Variants in CD22 observed in about 807,000 individuals in gnomAD.
CD22 encodes B-cell receptor CD22.
In CD22, 51 loss-of-function variants were observed where a neutral mutation model predicts 94.7. The observed-to-expected ratio is 0.54, with a 90% confidence interval of 0.43 to 0.68. The LOEUF is 0.68. Ranked by LOEUF, CD22 falls within the 30% of genes least tolerant of loss-of-function variation. The pLI is 0.00. For missense variants in CD22, 931 were observed against 1,060.4 expected, an observed-to-expected ratio of 0.88 and a Z score of 1.69; for synonymous variants, 424 against 422.5, an observed-to-expected ratio of 1.00 and a Z score of -0.04.
At chr19:35,345,526 G>C in intron 11 of CD22, 76 bp from the exon 12 acceptor site, 1 of 864,846 alleles carries the variant, frequency 1.2e-6, no homozygotes, top group South Asian at 1.5e-5. Context: ...GAGGAGACCT[G>C]GGCTGTCAGA....
In CD22 at chr19:35,337,726, C is replaced by T. The variant is rs746824149; in HGVS notation, c.719-29C>T. Reference sequence around the variant, plus strand: ...TCCACCCTCTGAGGATTCCCCGCCCCCTCCCCGACTGCCCCTCTGCTCCTC... The same window carrying T: ...TCCACCCTCTGAGGATTCCCCGCCCTCTCCCCGACTGCCCCTCTGCTCCTC... On this transcript the variant is annotated intron_variant, in intron 4 of 13. Transcript: ENST00000085219. The surrounding 1 kb of genome is among the most constrained non-coding windows in gnomAD (Gnocchi z 4.4). The T allele has an allele frequency of 2.4e-5, 37 of 1,566,954 alleles. 1 individual carries two copies. The highest frequency in any genetic ancestry group is 1.2e-4 in the Admixed American group (7 of 58,000).
Position 35,337,910 on chromosome 19 carries a change from T to G in CD22, c.874T>G (p.Phe292Val). The G allele has an allele frequency of 4.3e-6, 7 of 1,614,202 alleles. No individual in the cohort carries two copies. The highest frequency in any genetic ancestry group is 5.9e-6 in the Non-Finnish European group (7 of 1,180,034). ...GACCTCGCTGAAGAAGCAGAATACA[T>G]TCACGCTAAACCTGCGCGAAGTGAC... Reference protein sequence around the residue: ...DGTSLKKQNTFTLNLREVTKD... With the variant: ...DGTSLKKQNTVTLNLREVTKD... Residue 292 changes from phenylalanine (F) to valine (V), a missense_variant, in exon 5 of 14, where the codon TTC (phenylalanine) becomes GTC (valine). Transcript: ENST00000085219. The surrounding 1 kb of genome is among the most constrained non-coding windows in gnomAD (Gnocchi z 4.4).
At position 35,336,236 on chromosome 19, in the gene CD22, A is replaced by C. The variant is rs1312264842; in HGVS notation, c.613A>C (p.Lys205Gln). 18 of 1,614,104 alleles carry C rather than the reference A, an allele frequency of 1.1e-5. No homozygotes were observed. Among genetic ancestry groups the C allele is most frequent in the Non-Finnish European group, 1.5e-5 (18 of 1,180,052 alleles). Residue 205 changes from lysine to glutamine, a missense_variant, in exon 4 of 14, where the codon AAG becomes CAG. Coordinates refer to ENST00000085219, the MANE Select transcript of CD22 (RefSeq NM_001771.4). ...GTCTGTCTTCACCCGGAGCGAGCTCAAGTTCTCCCCACAGTGGAGTCACCA... is the reference window on the plus strand; with the variant it reads ...GTCTGTCTTCACCCGGAGCGAGCTCCAGTTCTCCCCACAGTGGAGTCACCA... ...IKSVFTRSEL[K>Q]FSPQWSHHGK... is the part of the protein sequence containing the mutation.
At position 35,332,681 on chromosome 19, in the gene CD22, A is replaced by C. The variant is rs373299889; in HGVS notation, c.169A>C (p.Ile57Leu). Reference protein sequence around the residue: ...RALDGDLESFILFHNPEYNKN... With the variant: ...RALDGDLESFLLFHNPEYNKN... ...CCTAGATGGTGACCTGGAAAGCTTC[A>C]TCCTGTTCCACAATCCTGAGTATAA... is the stretch of plus-strand genomic sequence containing the variant. Residue 57 changes from isoleucine (I) to leucine (L), a missense_variant, in exon 3 of 14, where the codon ATC (isoleucine) becomes CTC (leucine). By Grantham distance (5) the Ile-to-Leu change is conservative (BLOSUM62 2). Transcript: ENST00000085219. 1.4e-5 allele frequency: 23 copies of C among 1,613,996 alleles called. No homozygotes were observed. The highest frequency in any genetic ancestry group is 1.8e-5 in the Non-Finnish European group (21 of 1,180,028).
chr19:35,342,110 C>CCTT (rs200495704), intron 9 of CD22, 145 bp downstream of exon 9: 21,498 of 665,558 alleles, frequency 0.032, 509 homozygotes, highest in East Asian at 0.11. Flanking sequence ...TCCTCTTCCT[C>CCTT]CTTCTTCTTC....
In CD22 at chr19:35,346,252, C is replaced by T; in HGVS notation, c.2412+17C>T. The T allele has an allele frequency of 1.2e-6, 2 of 1,603,488 alleles. No homozygotes were observed. Among genetic ancestry groups the T allele is most frequent in the East Asian group, 2.2e-5 (1 of 44,828 alleles). The stretch of plus-strand genomic sequence containing the variant: ...CGCCAAGTGGTAAGGAGGGTCTCCC[C>T]AGGTCTCCCCAGAGGGGCTGTGGAA... On this transcript the variant is annotated intron_variant, in intron 13 of 13. Coordinates refer to ENST00000085219, the MANE Select transcript of CD22 (RefSeq NM_001771.4).
chr19:35,342,015 T>TTCCC (rs1196683309), intron 9 of CD22, 50 bp downstream of exon 9: 1 of 500,930 alleles, frequency 2.0e-6, no homozygotes, highest in Non-Finnish European at 2.9e-6. Flanking sequence ...CAGTCCTTCC[T>TTCCC]TCCTTCCTTC....
In CD22 at chr19:35,344,948, C is replaced by A. The variant is rs763999595; in HGVS notation, c.2132+23C>A. The A allele has an allele frequency of 2.5e-6, 4 of 1,606,508 alleles. No individual in the cohort carries two copies. The African/African-American group carries it at 5.3e-5, about 21-fold the overall frequency. On this transcript the variant is annotated intron_variant, in intron 10 of 13. Transcript: ENST00000085219. ...ACGGTGAGCTCCTGCCATCCCCCAC[C>A]ACCTCCTCTATCCCTTGGCAGAGGC...
In CD22 at chr19:35,341,923, G is replaced by A. The variant is rs1182462188; in HGVS notation, c.1993G>A (p.Val665Met). 1 of 1,613,962 alleles carries A rather than the reference G, an allele frequency of 6.2e-7. No homozygotes were observed. Among genetic ancestry groups the A allele is most frequent in the African/African-American group, 1.3e-5 (1 of 75,002 alleles). The change falls in exon 9 of 14, where the codon GTG becomes ATG. Residue 665 changes from valine to methionine, a missense_variant. Val to Met is a conservative substitution (Grantham distance 21). Coordinates refer to ENST00000085219, the MANE Select transcript of CD22 (RefSeq NM_001771.4). The surrounding 1 kb of genome is among the most constrained non-coding windows in gnomAD (Gnocchi z 4.0). Reference sequence around the variant, plus strand: ...CTACTGGTGCCAGGGGACCAACAGTGTGGGCAAGGGCCGTTCGCCTCTCAG... The same window carrying A: ...CTACTGGTGCCAGGGGACCAACAGTATGGGCAAGGGCCGTTCGCCTCTCAG... ...GAYWCQGTNSVGKGRSPLSTL... is the reference protein window; with the variant it reads ...GAYWCQGTNSMGKGRSPLSTL...
intron 12 of CD22, 107 bp downstream of exon 12, chr19:35,345,827 T>C (rs144231587): frequency 8.7e-6 from 7 of 806,810 alleles, no homozygotes; most frequent in South Asian, 6.0e-5. Context: ...GGCACCCTGA[T>C]ACATGCTCTG....
At chr19:35,340,781 G>A (rs2066796411) in intron 6 of CD22, 100 bp from the exon 7 acceptor site, 2 of 1,319,546 alleles carry the variant, frequency 1.5e-6, no homozygotes, top group Non-Finnish European at 2.1e-6. Flanking sequence ...TAGGACCTGT[G>A]CAGATGCCCG....
At chr19:35,340,829 G>A in intron 6 of CD22, 52 bp from the exon 7 acceptor site, 1 of 1,607,138 alleles carries the variant, frequency 6.2e-7, no homozygotes. Flanking sequence ...GGAGGGAAGG[G>A]GTACTGTGGA....
chr19:35,336,214 T>C lies in CD22; in HGVS notation c.591T>C (p.Ser197=), dbSNP rs767175227. The change falls in exon 4 of 14, where the codon TCT becomes TCC. Residue 197 remains serine, a synonymous_variant. Coordinates refer to ENST00000085219, the MANE Select transcript of CD22 (RefSeq NM_001771.4). ...AVTSTSLTIK[S]VFTRSELKFS... ...CCTCGACCTCCTTGACCATCAAGTC[T>C]GTCTTCACCCGGAGCGAGCTCAAGT... 2 of 1,614,242 alleles carry C rather than the reference T, an allele frequency of 1.2e-6. No homozygotes were observed. Among genetic ancestry groups the C allele is most frequent in the East Asian group, 4.5e-5 (2 of 44,882 alleles).
At chr19:35,339,342 A>G (rs1882168136) in intron 6 of CD22, among the ~76,000 whole-genome samples, 1 of 151,956 alleles carries the variant, frequency 6.6e-6, no homozygotes, top group Non-Finnish European at 1.5e-5. Context: ...TAGGCAGCTC[A>G]CTTGAGGCCA....
intron 4 of CD22, 141 bp downstream of exon 4, chr19:35,336,482 G>C: frequency 4.2e-6 from 3 of 708,324 alleles, no homozygotes; most frequent in Non-Finnish European, 6.9e-6. Flanking sequence ...CGCCTTGTCA[G>C]CCCTGGTGTT....
Position 35,346,255 on chromosome 19 carries a change from G to T in CD22, c.2412+20G>T, listed in dbSNP as rs375364232. The T allele has an allele frequency of 1.7e-5, 27 of 1,602,704 alleles. No individual in the cohort carries two copies. The highest frequency in any genetic ancestry group is 9.4e-5 in the African/African-American group (7 of 74,698). On this transcript the variant is annotated intron_variant, in intron 13 of 13. Transcript: ENST00000085219. ...CAAGTGGTAAGGAGGGTCTCCCCAG[G>T]TCTCCCCAGAGGGGCTGTGGAAGGC... is the stretch of plus-strand genomic sequence containing the variant.
Position 35,346,917 on chromosome 19 carries a change from C to T in CD22, c.*220C>T, listed in dbSNP as rs2066917899. 3 of 518,240 alleles carry T rather than the reference C, an allele frequency of 5.8e-6. No homozygotes were observed. The highest frequency in any genetic ancestry group is 1.0e-5 in the Non-Finnish European group (3 of 295,798). 32.1% of individuals were successfully genotyped at this position (518,240 alleles called of 1,614,324 possible). A position where few individuals can be genotyped will look rare whatever the true frequency, so the allele number is the denominator to read the frequency against. ...CCCCAAACCTCCAAAACTCCTGCCC[C>T]TGTTCTCTTCCACTCTCCTTGCTAC... is the stretch of plus-strand genomic sequence containing the variant. On this transcript the variant is annotated 3_prime_UTR_variant, in exon 14 of 14. Coordinates refer to ENST00000085219, the MANE Select transcript of CD22 (RefSeq NM_001771.4).
rs1221493526 is a variant in CD22, at chr19:35,334,934, C to G, written c.413-1102C>G. Among the ~76,000 whole-genome samples the G allele has an allele frequency of 2.0e-5, 3 of 151,992 alleles. No homozygotes were observed. In the South Asian group the frequency reaches 6.2e-4, roughly 32 times the overall value. On this transcript the variant is annotated intron_variant, in intron 3 of 13. Transcript: ENST00000085219. The stretch of plus-strand genomic sequence containing the variant: ...TCTACTAAAAATGCAAAAAGTTAGC[C>G]AGGCGTGGTGGCAGGCGCCTGTAGT...
At position 35,341,443 on chromosome 19, in the gene CD22, C is replaced by G; in HGVS notation, c.1608C>G (p.Pro536=). 2.5e-6 allele frequency: 4 copies of G among 1,614,012 alleles called. No homozygotes were observed. Among genetic ancestry groups the G allele is most frequent in the Non-Finnish European group, 3.4e-6 (4 of 1,180,014 alleles). ...AATGTGACTTCTCAAGCAGCCACCC[C>G]AAAGAAGTCCAGTTCTTCTGGGAGA... is the stretch of plus-strand genomic sequence containing the variant. ...SLQCDFSSSH[P]KEVQFFWEKN... Residue 536 remains proline, a synonymous_variant, in exon 8 of 14, where the codon CCC becomes CCG. Coordinates refer to ENST00000085219, the MANE Select transcript of CD22 (RefSeq NM_001771.4). This position sits in a 1 kb window ranked among gnomAD's most constrained non-coding sequence, Gnocchi z 4.0.
Sources: allele counts gnomAD v4.1 joint callset (sites outside exome capture counted in the v4.1 genomes callset), GRCh38; gene constraint gnomAD v4.1.1; non-coding constraint Gnocchi (gnomAD v3.1); transcripts MANE v1.5; gene names NCBI Gene and HGNC (gene_info 2026-07-23, HGNC 2026-07-21).